Variants in CYP4F22 observed in about 807,000 individuals in gnomAD.
CYP4F22 encodes cytochrome P450 family 4 subfamily F member 22.
CYP4F22 carries 37 observed loss-of-function variants against 60.4 expected under a neutral mutation model. The observed-to-expected ratio is 0.61, with a 90% CI of 0.47 to 0.81. The LOEUF (loss-of-function observed/expected upper bound fraction) is 0.81, where lower values mean the gene tolerates loss of function less well. CYP4F22 is among the 30% of genes least tolerant of loss of function. The probability of loss-of-function intolerance (pLI) is 0.00; values close to 1 mark genes in which losing one functional copy is unlikely to be tolerated. For missense variants in CYP4F22, 655 were observed against 715.0 expected (o/e 0.92, Z 0.96); for synonymous variants, 258 against 280.5 (o/e 0.92, Z 0.80).
In CYP4F22 at chr19:15,540,786, G is replaced by A. The variant is rs918232427; in HGVS notation, c.939+69G>A. On this transcript the variant is annotated intron_variant, in intron 8 of 13. Transcript: ENST00000269703. The stretch of plus-strand genomic sequence containing the variant: ...CCTCCCGAGGAATTGCATGTAAAAT[G>A]ATAAGTGTTAAAACTCCATTAGGCG... The A allele has an allele frequency of 7.6e-6, 12 of 1,588,554 alleles. No individual in the cohort carries two copies. The East Asian group carries it at 2.5e-4, about 33-fold the overall frequency.
chr19:15,539,191 C>T (rs1971431528), intron 7 of CYP4F22, among the ~76,000 whole-genome samples: 1 of 152,148 alleles, frequency 6.6e-6, no homozygotes, highest in Non-Finnish European at 1.5e-5. Context: ...ACTTTAGCAA[C>T]CCGTGCACTT....
At chr19:15,529,672 G>A (rs2144518151) in intron 3 of CYP4F22, 37 bp from the exon 4 acceptor site, 1 of 1,612,920 alleles carries the variant, frequency 6.2e-7, no homozygotes, top group Non-Finnish European at 8.5e-7. Flanking sequence ...AGCTGGGGCT[G>A]GGTACCTCCT....
At chr19:15,551,192 C>A in intron 13 of CYP4F22, 102 bp from the exon 14 acceptor site, 4 of 1,473,914 alleles carry the variant, frequency 2.7e-6, no homozygotes, top group Middle Eastern at 2.2e-4. Context: ...TAACCCTCAG[C>A]CAGCCCAGGA....
chr19:15,543,958 C>A lies in CYP4F22; in HGVS notation c.940-13C>A, dbSNP rs1282590476. On this transcript the variant is annotated splice_polypyrimidine_tract_variant and intron_variant, in intron 8 of 13. Coordinates refer to ENST00000269703, the MANE Select transcript of CYP4F22 (RefSeq NM_173483.4). ...GATGAAGTGGGCTGAGCACCCTCTA[C>A]TGCCCATTCCAGGATGAAGATGGAA... is the stretch of plus-strand genomic sequence containing the variant. 6.2e-7 allele frequency: 1 copy of A among 1,613,662 alleles called. No individual in the cohort carries two copies. The highest frequency in any genetic ancestry group is 1.7e-5 in the Admixed American group (1 of 59,972).
At chr19:15,533,562 T>C (rs1490006036) in intron 4 of CYP4F22, among the ~76,000 whole-genome samples, 1 of 151,832 alleles carries the variant, frequency 6.6e-6, no homozygotes, top group African/African-American at 2.4e-5. Flanking sequence ...TTGAAGTTCA[T>C]TCACGTTGTA....
intron 1 of CYP4F22, among the ~76,000 whole-genome samples, chr19:15,509,925 C>A (rs1466967420): frequency 7.7e-6 from 1 of 129,768 alleles, no homozygotes; most frequent in Admixed American, 8.2e-5. Flanking sequence ...TTCCTTCCTT[C>A]TTTCTTTCTT....
At position 15,509,878 on chromosome 19, in the gene CYP4F22, TTCC is replaced by T. The variant is rs1253098724; in HGVS notation, c.-109+1297_-109+1299del. 3.2e-5 allele frequency among the ~76,000 whole-genome samples: 4 copies of T among 126,868 alleles called. No homozygotes were observed. The East Asian group carries it at 7.5e-4, about 24-fold the overall frequency. The allele number at this position is 126,868 out of a possible 152,430, so 83.2% of individuals were successfully genotyped here. ...TCTCCTTCCTTCCTTCCTTCCTTCCTTCCTTCCTTCCTTCCTTCCTTCCTTCCT... is the reference window on the plus strand; with the variant it reads ...TCTCCTTCCTTCCTTCCTTCCTTCCTTTCCTTCCTTCCTTCCTTCCTTCCT... On this transcript the variant is annotated intron_variant, in intron 1 of 13. Transcript: ENST00000269703.
At chr19:15,513,373 T>A (rs1025021566) in intron 1 of CYP4F22, among the ~76,000 whole-genome samples, 3 of 141,776 alleles carry the variant, frequency 2.1e-5, no homozygotes, top group African/African-American at 5.2e-5. Context: ...TTTTTTTTTT[T>A]TTTTTTTTTG....
intron 3 of CYP4F22, among the ~76,000 whole-genome samples, chr19:15,528,574 CTT>C (rs1971308334): frequency 6.6e-6 from 1 of 152,128 alleles, no homozygotes; most frequent in African/African-American, 2.4e-5. Flanking sequence ...TGGTGGTCTT[CTT>C]CCCCTATCTC....
chr19:15,524,151 A>G (rs1180555358), intron 2 of CYP4F22, among the ~76,000 whole-genome samples: 1 of 152,240 alleles, frequency 6.6e-6, no homozygotes, highest in Non-Finnish European at 1.5e-5. Flanking sequence ...TGATGCTACA[A>G]TGTGGATGAA....
intron 3 of CYP4F22, among the ~76,000 whole-genome samples, chr19:15,528,283 T>G (rs1181053853): frequency 6.6e-6 from 1 of 152,034 alleles, no homozygotes; most frequent in African/African-American, 2.4e-5. Flanking sequence ...CAAGACCCAG[T>G]TTTTACAAAA....
Position 15,510,968 on chromosome 19 carries a change from T to TATATATA in CYP4F22, c.-109+2385_-109+2386insATATATA, listed in dbSNP as rs1568351389. On this transcript the variant is annotated intron_variant, in intron 1 of 13. Coordinates refer to ENST00000269703, the MANE Select transcript of CYP4F22 (RefSeq NM_173483.4). ...ACCATATATATATATATATATATAT[T>TATATATA]TTTTTTTTTTTTTTTGAGATGGAGT... 1.6e-4 allele frequency among the ~76,000 whole-genome samples: 11 copies of TATATATA among 69,530 alleles called. No homozygotes were observed. In the East Asian group the frequency reaches 1.8e-3, roughly 11 times the overall value. 45.6% of individuals were successfully genotyped at this position (69,530 alleles called of 152,430 possible). A position where few individuals can be genotyped will look rare whatever the true frequency, so the allele number is the denominator to read the frequency against.
At chr19:15,527,763 C>T (rs1050151693) in intron 3 of CYP4F22, among the ~76,000 whole-genome samples, 1 of 152,240 alleles carries the variant, frequency 6.6e-6, no homozygotes, top group East Asian at 1.9e-4. Context: ...AGCCTTATCA[C>T]TGGCTAGGCA....
intron 1 of CYP4F22, chr19:15,515,491 G>T: frequency 2.9e-6 from 2 of 701,568 alleles, no homozygotes; most frequent in South Asian, 1.4e-5. Flanking sequence ...TTGGGAGGCC[G>T]AGGTGGATGG....
chr19:15,541,431 C>T (rs922655866), intron 8 of CYP4F22, among the ~76,000 whole-genome samples: 1 of 152,030 alleles, frequency 6.6e-6, no homozygotes, highest in African/African-American at 2.4e-5. Flanking sequence ...GATTAGGGCC[C>T]TGCCCTAATG....
chr19:15,523,438 G>A (rs1206038181), intron 1 of CYP4F22, among the ~76,000 whole-genome samples: 1 of 152,106 alleles, frequency 6.6e-6, no homozygotes, highest in Non-Finnish European at 1.5e-5. Context: ...AGCGCCAAGG[G>A]GATGGTGTTA....
intron 1 of CYP4F22, among the ~76,000 whole-genome samples, chr19:15,518,674 C>G (rs373957939): frequency 2.2e-5 from 2 of 89,720 alleles, no homozygotes; most frequent in African/African-American, 4.6e-5. Context: ...AAAAAAGAAA[C>G]AAAACAAAAC....
At chr19:15,509,559 C>G (rs1208250322) in intron 1 of CYP4F22, among the ~76,000 whole-genome samples, 1 of 152,108 alleles carries the variant, frequency 6.6e-6, no homozygotes, top group Admixed American at 6.6e-5. Flanking sequence ...AGGAACCTCC[C>G]CAAATCTTCC....
At chr19:15,529,468 C>T (rs1004360162) in intron 3 of CYP4F22, among the ~76,000 whole-genome samples, 1 of 152,088 alleles carries the variant, frequency 6.6e-6, no homozygotes, top group Non-Finnish European at 1.5e-5. Context: ...GGGTCAGGCC[C>T]ATGCTGGGGC....
Sources: gnomAD v4.1 joint callset for allele counts (sites outside exome capture counted in the v4.1 genomes callset) on GRCh38, gnomAD v4.1.1 for gene constraint, MANE v1.5 for transcripts, NCBI Gene and HGNC (gene_info 2026-07-23, HGNC 2026-07-21) for gene names.